Variants in PDCD10 observed in about 807,000 individuals in gnomAD.
The protein encoded by PDCD10 is programmed cell death protein 10.
A neutral mutation model predicts 29.2 loss-of-function variants in PDCD10; 4 were observed. The ratio of observed to expected loss-of-function variants is 0.14; its 90% CI spans 0.07 to 0.31. PDCD10 has a LOEUF of 0.31. PDCD10 is among the 10% of genes least tolerant of loss of function. The probability of loss-of-function intolerance (pLI) is 1.00; values close to 1 mark genes in which losing one functional copy is unlikely to be tolerated. For synonymous variants in PDCD10, 70 were observed against 82.2 expected, an observed-to-expected ratio of 0.85 and a Z score of 0.80; for missense variants, 183 against 257.9, an observed-to-expected ratio of 0.71 and a Z score of 1.99.
At chr3:167,732,789 C>T (rs1021329032) in intron 2 of PDCD10, among the ~76,000 whole-genome samples, 1 of 152,200 alleles carries the variant, frequency 6.6e-6, no homozygotes, top group Non-Finnish European at 1.5e-5. Context: ...AAGGCAAATA[C>T]CTACATTGTC....
chr3:167,692,809 G>A (rs1019611559), intron 6 of PDCD10, among the ~76,000 whole-genome samples: 1 of 152,154 alleles, frequency 6.6e-6, no homozygotes, highest in Non-Finnish European at 1.5e-5. Flanking sequence ...TCCCAGCTAC[G>A]CTGGAGGCTG....
chr3:167,692,438 T>C (rs186227637), intron 6 of PDCD10, among the ~76,000 whole-genome samples: 1 of 152,356 alleles, frequency 6.6e-6, no homozygotes, highest in East Asian at 1.9e-4. Flanking sequence ...ATTTTCCACT[T>C]ATGGTGTCAT....
chr3:167,717,582 A>G (rs1723147882), intron 3 of PDCD10, among the ~76,000 whole-genome samples: 1 of 151,876 alleles, frequency 6.6e-6, no homozygotes, highest in Non-Finnish European at 1.5e-5. Context: ...TAGGTATCTT[A>G]TTTATATGTT....
At chr3:167,699,887 A>G (rs901200747) in intron 4 of PDCD10, among the ~76,000 whole-genome samples, 5 of 152,218 alleles carry the variant, frequency 3.3e-5, no homozygotes, top group Admixed American at 3.3e-4. Context: ...GAAAAAACTT[A>G]TAGACAAACT....
chr3:167,711,927 C>T (rs1660006458), intron 3 of PDCD10, among the ~76,000 whole-genome samples: 1 of 151,984 alleles, frequency 6.6e-6, no homozygotes, highest in Non-Finnish European at 1.5e-5. Flanking sequence ...ATCCTTCAAA[C>T]ATGAAGGAGA....
intron 3 of PDCD10, 76 bp from the exon 4 acceptor site, chr3:167,704,971 G>A (rs1023895059): frequency 2.4e-6 from 2 of 831,556 alleles, no homozygotes; most frequent in African/African-American, 3.4e-5. Context: ...CCATTCTGTA[G>A]CAATCACATG....
chr3:167,716,398 A>T (rs1723017247), intron 3 of PDCD10, among the ~76,000 whole-genome samples: 1 of 151,938 alleles, frequency 6.6e-6, no homozygotes, highest in East Asian at 1.9e-4. Context: ...TTTTAAAATA[A>T]CTAAAAGAGT....
intron 6 of PDCD10, chr3:167,694,498 C>G (rs1444359104): frequency 6.5e-6 from 1 of 154,070 alleles, no homozygotes; most frequent in East Asian, 1.9e-4. Flanking sequence ...ACTTTTTTGC[C>G]TGAAGATTTA....
At chr3:167,689,135 ATT>A (rs543554273) in intron 6 of PDCD10, among the ~76,000 whole-genome samples, 1 of 151,242 alleles carries the variant, frequency 6.6e-6, no homozygotes, top group Non-Finnish European at 1.5e-5. Context: ...ATGTTATCTA[ATT>A]TTTTTTTGCC....
At position 167,684,486 on chromosome 3, in the gene PDCD10, A is replaced by G. The variant is rs191407044; in HGVS notation, c.558-97T>C. The G allele has an allele frequency of 7.3e-3, 4,915 of 671,654 alleles. 149 individuals carry two copies. The African/African-American group carries it at 0.079, about 11-fold the overall frequency. 41.6% of individuals were successfully genotyped at this position (671,654 alleles called of 1,614,324 possible). ...CAGTAGCAATGGAATCAATTTTAGA[A>G]AAAAAAAAAAGACAAGTTAGTATTA... is the stretch of plus-strand genomic sequence containing the variant. On this transcript the variant is annotated intron_variant, in intron 8 of 8. Transcript: ENST00000392750.
At chr3:167,704,950 T>C in intron 3 of PDCD10, 55 bp from the exon 4 acceptor site, 1 of 1,050,626 alleles carries the variant, frequency 9.5e-7, no homozygotes, top group Non-Finnish European at 1.5e-6. Flanking sequence ...AAAAAGCACA[T>C]TTCTGAGATT....
In PDCD10 at chr3:167,734,794, G is replaced by A. The variant is rs567288268; in HGVS notation, c.-386C>T. 2 of 153,546 alleles carry A rather than the reference G, an allele frequency of 1.3e-5. No homozygotes were observed. Among genetic ancestry groups the A allele is most frequent in the South Asian group, 4.1e-4 (2 of 4,838 alleles). 9.5% of individuals were successfully genotyped at this position (153,546 alleles called of 1,614,324 possible). Reference sequence around the variant, plus strand: ...GAGCTACGGGGACTGGGACAGAACAGCTACACCTTACCAGCAACTGAGGCA... The same window carrying A: ...GAGCTACGGGGACTGGGACAGAACAACTACACCTTACCAGCAACTGAGGCA... On this transcript the variant is annotated 5_prime_UTR_variant, in exon 1 of 9. Transcript: ENST00000392750.
intron 6 of PDCD10, among the ~76,000 whole-genome samples, chr3:167,691,186 C>T (rs1320964586): frequency 6.6e-6 from 1 of 152,144 alleles, no homozygotes; most frequent in Non-Finnish European, 1.5e-5. Context: ...TAAGAACATA[C>T]ATGAAAATGT....
intron 4 of PDCD10, among the ~76,000 whole-genome samples, chr3:167,704,038 T>C (rs1275906033): frequency 6.6e-6 from 1 of 152,204 alleles, no homozygotes; most frequent in African/African-American, 2.4e-5. Flanking sequence ...GATAACCCAC[T>C]GAACAGCTCA....
intron 2 of PDCD10, among the ~76,000 whole-genome samples, chr3:167,722,710 CT>C (rs1206816359): frequency 1.3e-5 from 2 of 152,068 alleles, no homozygotes; most frequent in Non-Finnish European, 1.5e-5. Context: ...GTGTTTCACT[CT>C]TTTGAACACA....
intron 4 of PDCD10, chr3:167,697,835 A>C (rs1439342661): frequency 2.3e-5 from 10 of 434,216 alleles, no homozygotes; most frequent in African/African-American, 2.0e-4. Flanking sequence ...GACTGGGCAT[A>C]GAGTTCTGAG....
chr3:167,718,996 A>G (rs77526978), intron 3 of PDCD10, among the ~76,000 whole-genome samples: 1,987 of 152,186 alleles, frequency 0.013, 38 homozygotes, highest in African/African-American at 0.046. Context: ...TGTTGACTGC[A>G]TTGGCAACTA....
chr3:167,697,228 T>C (rs1398543668), intron 4 of PDCD10, 102 bp from the exon 5 acceptor site: 3 of 718,474 alleles, frequency 4.2e-6, no homozygotes, highest in Non-Finnish European at 7.5e-6. Flanking sequence ...CTTACACTGA[T>C]AACTTTTAAG....
intron 2 of PDCD10, among the ~76,000 whole-genome samples, chr3:167,733,653 A>G (rs1725052239): frequency 1.3e-5 from 2 of 152,176 alleles, no homozygotes; most frequent in African/African-American, 4.8e-5. Context: ...AAACTCTCCT[A>G]ACGCTACATT....
Sources: gnomAD v4.1 joint callset for allele counts (sites outside exome capture counted in the v4.1 genomes callset) on GRCh38, gnomAD v4.1.1 for gene constraint, MANE v1.5 for transcripts, NCBI Gene and HGNC (gene_info 2026-07-23, HGNC 2026-07-21) for gene names.